SNX27: variants seen among roughly 807,000 people sequenced by gnomAD.
SNX27 encodes the protein sorting nexin-27.
A neutral mutation model predicts 71.6 loss-of-function variants in SNX27; 22 were observed. That is an observed-to-expected ratio of 0.31 (90% CI 0.22 to 0.44). The LOEUF is 0.44. Ranked by LOEUF, SNX27 falls within the 20% of genes least tolerant of loss-of-function variation. SNX27 has a pLI of 1.00. For synonymous variants in SNX27, 269 were observed against 277.2 expected, an observed-to-expected ratio of 0.97 and a Z score of 0.29; for missense variants, 531 against 698.6, an observed-to-expected ratio of 0.76 and a Z score of 2.70.
At chr1:151,655,718 T>C (rs1669651566) in intron 2 of SNX27, among the ~76,000 whole-genome samples, 1 of 152,190 alleles carries the variant, frequency 6.6e-6, no homozygotes, top group East Asian at 1.9e-4. Context: ...TTGTGTCCAG[T>C]TTTCTGGTTG....
At chr1:151,619,189 A>C (rs989510845) in intron 1 of SNX27, among the ~76,000 whole-genome samples, 1 of 151,998 alleles carries the variant, frequency 6.6e-6, no homozygotes, top group Non-Finnish European at 1.5e-5. Flanking sequence ...AAAAATACAA[A>C]AGTTAGCCAC....
Position 151,650,917 on chromosome 1 carries a change from A to G in SNX27, c.544-7318A>G, listed in dbSNP as rs375773529. On this transcript the variant is annotated intron_variant, in intron 2 of 11. Coordinates refer to ENST00000458013, the MANE Select transcript of SNX27 (RefSeq NM_001330723.2). ...ATGTTTCAGAGAGCACAGGGTTGGG[A>G]GTAAGGTCACAGATCAACAGGATCC... 7.2e-3 allele frequency among the ~76,000 whole-genome samples: 1,090 copies of G among 152,182 alleles called. 5 individuals are homozygous for G. The highest frequency in any genetic ancestry group is 0.011 in the Non-Finnish European group (779 of 67,940).
At chr1:151,642,409 T>C (rs1429768846) in intron 2 of SNX27, among the ~76,000 whole-genome samples, 1 of 151,976 alleles carries the variant, frequency 6.6e-6, no homozygotes, top group Non-Finnish European at 1.5e-5. Context: ...AGATGTTTTG[T>C]AAATATTTGA....
intron 2 of SNX27, among the ~76,000 whole-genome samples, chr1:151,656,373 C>T (rs1032646564): frequency 6.6e-5 from 10 of 152,014 alleles, no homozygotes; most frequent in South Asian, 2.1e-4. Flanking sequence ...GTAGGCAAAA[C>T]GCATGAGTAG....
chr1:151,632,692 C>T (rs1486253825), intron 1 of SNX27, among the ~76,000 whole-genome samples: 1 of 151,990 alleles, frequency 6.6e-6, no homozygotes, highest in Non-Finnish European at 1.5e-5. Context: ...CAGTTTTATG[C>T]TGCAGATATG....
In SNX27 at chr1:151,652,921, G is replaced by C. The variant is rs548442745; in HGVS notation, c.544-5314G>C. 2.4e-5 allele frequency among the ~76,000 whole-genome samples: 3 copies of C among 125,442 alleles called. No homozygotes were observed. The East Asian group carries it at 6.8e-4, about 28-fold the overall frequency. 82.3% of individuals were successfully genotyped at this position (125,442 alleles called of 152,430 possible). On this transcript the variant is annotated intron_variant, in intron 2 of 11. Coordinates refer to ENST00000458013, the MANE Select transcript of SNX27 (RefSeq NM_001330723.2). ...CTGTTTTATCTCTTGACATAATGTTGGGTTTCTTTTTTTTTTTTTTTTTGA... is the reference window on the plus strand; with the variant it reads ...CTGTTTTATCTCTTGACATAATGTTCGGTTTCTTTTTTTTTTTTTTTTTGA...
At chr1:151,664,145 CAA>C (rs1670086897) in intron 5 of SNX27, among the ~76,000 whole-genome samples, 1 of 145,784 alleles carries the variant, frequency 6.9e-6, no homozygotes, top group African/African-American at 2.5e-5. Flanking sequence ...ACATATTAAA[CAA>C]TATATACTTT....
chr1:151,663,027 G>A (rs1329001530), intron 5 of SNX27, among the ~76,000 whole-genome samples: 1 of 151,830 alleles, frequency 6.6e-6, no homozygotes, highest in Middle Eastern at 3.2e-3. Context: ...TTAAAAATTA[G>A]CACTATTGCT....
chr1:151,693,121 GAGAT>G, intron 10 of SNX27, 82 bp downstream of exon 10: 1 of 1,543,298 alleles, frequency 6.5e-7, no homozygotes, highest in South Asian at 1.2e-5. Context: ...AATGGAGAGA[GAGAT>G]AGAGCTAGTA....
chr1:151,652,205 GGGGAGA>G (rs771599637), intron 2 of SNX27, among the ~76,000 whole-genome samples: 3,813 of 62,234 alleles, frequency 0.061, 286 homozygotes, highest in African/African-American at 0.15. Flanking sequence ...GGGAGACCGT[GGGGAGA>G]GGGAGAGGGA....
At chr1:151,615,467 C>G (rs149574570) in intron 1 of SNX27, among the ~76,000 whole-genome samples, 5 of 152,000 alleles carry the variant, frequency 3.3e-5, no homozygotes, top group African/African-American at 1.2e-4. Context: ...TATCTGTGCC[C>G]GCTACTTGTC....
intron 1 of SNX27, among the ~76,000 whole-genome samples, chr1:151,628,843 G>A (rs948990441): frequency 6.6e-6 from 1 of 152,078 alleles, no homozygotes; most frequent in Non-Finnish European, 1.5e-5. Context: ...TTTTCTTATT[G>A]TTGAGTTTTA....
At chr1:151,656,276 A>G (rs935516140) in intron 2 of SNX27, among the ~76,000 whole-genome samples, 3 of 152,172 alleles carry the variant, frequency 2.0e-5, no homozygotes, top group Middle Eastern at 3.4e-3. Flanking sequence ...GATATTCACA[A>G]TACACACAAA....
chr1:151,624,941 G>T (rs1667851073), intron 1 of SNX27, among the ~76,000 whole-genome samples: 1 of 152,070 alleles, frequency 6.6e-6, no homozygotes, highest in Admixed American at 6.6e-5. Context: ...TCTGGCTGGA[G>T]GTATTAAGGT....
In SNX27 at chr1:151,630,819, G is replaced by C. The variant is rs1001009669; in HGVS notation, c.312-8069G>C. Among the ~76,000 whole-genome samples, 29 of 152,302 alleles carry C rather than the reference G, an allele frequency of 1.9e-4. No individual in the cohort carries two copies. In the East Asian group the frequency reaches 5.6e-3, roughly 29 times the overall value. ...GAGGCCGAGGTGGGTGGATCACGAG[G>C]TCAGGAGATCGAGACCATCCTGGCT... On this transcript the variant is annotated intron_variant, in intron 1 of 11. Transcript: ENST00000458013.
At chr1:151,674,148 G>A (rs1021080891) in intron 7 of SNX27, among the ~76,000 whole-genome samples, 4 of 151,846 alleles carry the variant, frequency 2.6e-5, no homozygotes, top group African/African-American at 9.7e-5. Context: ...TCCTTTTAGT[G>A]ACGGTGATTT....
intron 1 of SNX27, among the ~76,000 whole-genome samples, chr1:151,630,712 G>T (rs1420233779): frequency 6.6e-6 from 1 of 152,160 alleles, no homozygotes; most frequent in African/African-American, 2.4e-5. Context: ...GCAAAGTATA[G>T]TATGATTGCT....
At chr1:151,663,457 G>T (rs1670055912) in intron 5 of SNX27, among the ~76,000 whole-genome samples, 1 of 151,758 alleles carries the variant, frequency 6.6e-6, no homozygotes, top group Admixed American at 6.6e-5. Context: ...CCTCACATTT[G>T]ATTTTTATGT....
At chr1:151,661,819 C>G (rs1669976088) in intron 4 of SNX27, among the ~76,000 whole-genome samples, 2 of 152,158 alleles carry the variant, frequency 1.3e-5, no homozygotes, top group African/African-American at 2.4e-5. Context: ...GAAACTACTG[C>G]TTTCAGTTGT....
Sources: allele counts gnomAD v4.1 joint callset (sites outside exome capture counted in the v4.1 genomes callset), GRCh38; gene constraint gnomAD v4.1.1; transcripts MANE v1.5; gene names NCBI Gene and HGNC (gene_info 2026-07-23, HGNC 2026-07-21).